Variants in NOL7 observed in about 807,000 individuals in gnomAD.
The protein encoded by NOL7 is nucleolar protein 7, also known as U3 small nucleolar RNA-associated protein NOL7.
Under a neutral mutation model 38.4 loss-of-function variants are expected in NOL7, and 36 were observed. The observed-to-expected ratio is 0.94, with a 90% CI of 0.72 to 1.24. The LOEUF (loss-of-function observed/expected upper bound fraction) is 1.24, where lower values mean the gene tolerates loss of function less well. Ranked by LOEUF, NOL7 falls within the 50% of genes most tolerant of loss-of-function variation. The pLI is 0.00. For missense variants in NOL7, 350 were observed against 315.1 expected (o/e 1.11, Z -0.84); for synonymous variants, 142 against 126.5 (o/e 1.12, Z -0.82).
intron 8 of NOL7, among the ~76,000 whole-genome samples, chr6:13,627,970 A>C (rs912873909): frequency 1.3e-5 from 2 of 152,194 alleles, no homozygotes; most frequent in Non-Finnish European, 2.9e-5. Context: ...CCTGGAACTT[A>C]AAGGAAAAAA....
At position 13,617,790 on chromosome 6, in the gene NOL7, A is replaced by G; in HGVS notation, c.407A>G (p.Lys136Arg). 6.2e-7 allele frequency: 1 copy of G among 1,613,822 alleles called. No homozygotes were observed. Among genetic ancestry groups the G allele is most frequent in the South Asian group, 1.1e-5 (1 of 91,074 alleles). ...CTTAGCATCAAGAAATCGCCAGGAA[A>G]GGTGAAAGAAGGTATGACTATTCTA... ...SQTNIKKSPG[K>R]VKEVNLQKKN... Residue 136 changes from lysine to arginine, a missense_variant, in exon 4 of 8, where the codon AAG becomes AGG. By Grantham distance (26) the Lys-to-Arg change is conservative. Coordinates refer to ENST00000451315, the MANE Select transcript of NOL7 (RefSeq NM_016167.5).
In NOL7 at chr6:13,615,487, C is replaced by T; in HGVS notation, c.129C>T (p.Gly43=). Residue 43 remains glycine (G), a synonymous_variant, in exon 1 of 8, where the codon GGC becomes GGT. Transcript: ENST00000451315. ...HGLLLGQPSS[G]AAAEPLEEDE... ...TGTTGCTCGGGCAGCCCAGCAGCGG[C>T]GCGGCCGCCGAGCCCCTGGAGGAAG... The T allele has an allele frequency of 1.3e-6, 2 of 1,551,900 alleles. No individual in the cohort carries two copies. The highest frequency in any genetic ancestry group is 1.4e-5 in the African/African-American group (1 of 73,266).
At chr6:13,620,656 C>A in intron 7 of NOL7, 98 bp from the exon 8 acceptor site, 1 of 981,028 alleles carries the variant, frequency 1.0e-6, no homozygotes, top group Non-Finnish European at 1.5e-6. Context: ...GTATAATAAG[C>A]CCACCCAGTT....
intron 3 of NOL7, among the ~76,000 whole-genome samples, chr6:13,617,104 T>A (rs1448328646): frequency 6.6e-6 from 1 of 151,712 alleles, no homozygotes; most frequent in Non-Finnish European, 1.5e-5. Flanking sequence ...GGCCAGTGAC[T>A]CTCAAGTTTT....
At chr6:13,631,915 C>G (rs1017889400) in intron 8 of NOL7, among the ~76,000 whole-genome samples, 6 of 152,204 alleles carry the variant, frequency 3.9e-5, no homozygotes, top group African/African-American at 1.2e-4. Flanking sequence ...TAATTCCCAT[C>G]AAAATGAGAA....
chr6:13,625,849 T>C (rs1479395563), downstream of NOL7: 20 of 952,836 alleles, frequency 2.1e-5, no homozygotes, highest in African/African-American at 6.4e-5. Flanking sequence ...AGGTAAAATA[T>C]GGCTTCCAGG....
At chr6:13,624,552 C>CA (rs1415514246), downstream of NOL7, among the ~76,000 whole-genome samples, 4 of 152,212 alleles carry the variant, frequency 2.6e-5, no homozygotes, top group African/African-American at 7.2e-5. Context: ...GCCCAAAACT[C>CA]AAACTTGTTT....
chr6:13,620,152 A>C, intron 5 of NOL7, 56 bp from the exon 6 acceptor site: 1 of 1,563,342 alleles, frequency 6.4e-7, no homozygotes, highest in Non-Finnish European at 8.6e-7. Flanking sequence ...CAGGAAGAAA[A>C]AAAAAAGAAA....
intron 5 of NOL7, among the ~76,000 whole-genome samples, chr6:13,619,779 C>T (rs2127754993): frequency 6.6e-6 from 1 of 152,240 alleles, no homozygotes; most frequent in African/African-American, 2.4e-5. Context: ...TCTTGTAGTC[C>T]TTGTAATTTA....
At chr6:13,624,867 C>T (rs1764556892), downstream of NOL7, among the ~76,000 whole-genome samples, 1 of 152,162 alleles carries the variant, frequency 6.6e-6, no homozygotes, top group Non-Finnish European at 1.5e-5. Context: ...AAGGCTTGAT[C>T]CTGCCGGGTA....
chr6:13,620,129 CGA>C, intron 5 of NOL7, 77 bp from the exon 6 acceptor site: 3 of 1,442,832 alleles, frequency 2.1e-6, no homozygotes, highest in Non-Finnish European at 2.8e-6. Flanking sequence ...GGTGACAGAG[CGA>C]GACTCTGTCT....
intron 5 of NOL7, among the ~76,000 whole-genome samples, chr6:13,618,894 A>G (rs2127754698): frequency 6.6e-6 from 1 of 152,356 alleles, no homozygotes; most frequent in South Asian, 2.1e-4. Flanking sequence ...CTGTCTCAAA[A>G]AAAAAATCGG....
intron 8 of NOL7, among the ~76,000 whole-genome samples, chr6:13,632,118 C>CTTTTTTTTTTTTTTTTTTTTT (rs752500098): frequency 4.0e-5 from 3 of 74,966 alleles, no homozygotes; most frequent in Non-Finnish European, 7.8e-5. Flanking sequence ...GGATTTAATC[C>CTTTTTTTTTTTTTTTTTTTTT]TTTTTTTTTT....
At chr6:13,616,562 C>G in intron 3 of NOL7, 41 bp downstream of exon 3, 1 of 1,347,728 alleles carries the variant, frequency 7.4e-7, no homozygotes, top group Non-Finnish European at 1.0e-6. Flanking sequence ...TTATATACAC[C>G]CATCTTTGAA....
At chr6:13,625,549 C>T (rs755544810), downstream of NOL7, 29 of 672,436 alleles carry the variant, frequency 4.3e-5, no homozygotes, top group Non-Finnish European at 6.6e-5. Flanking sequence ...ATATAGAAAA[C>T]ATTTTCCTGA....
chr6:13,625,602 T>TAAATTTTCA, downstream of NOL7: 1 of 1,364,568 alleles, frequency 7.3e-7, no homozygotes. Context: ...CACCCTCTCT[T>TAAATTTTCA]AAATTTTCAG....
At chr6:13,630,124 T>A (rs556190943) in intron 8 of NOL7, among the ~76,000 whole-genome samples, 1 of 152,300 alleles carries the variant, frequency 6.6e-6, no homozygotes, top group South Asian at 2.1e-4. Flanking sequence ...CTTTGGCTAC[T>A]TATATATAAG....
At chr6:13,631,076 G>T (rs1764768724) in intron 8 of NOL7, among the ~76,000 whole-genome samples, 1 of 152,222 alleles carries the variant, frequency 6.6e-6, no homozygotes, top group East Asian at 1.9e-4. Context: ...CCAAAGTGCT[G>T]GGAATACAGG....
intron 8 of NOL7, among the ~76,000 whole-genome samples, chr6:13,629,694 T>C (rs77625426): frequency 2.6e-5 from 4 of 152,160 alleles, no homozygotes; most frequent in Non-Finnish European, 5.9e-5. Flanking sequence ...ACTGCAAAAA[T>C]TCAATAAACA....
Sources: allele counts gnomAD v4.1 joint callset (sites outside exome capture counted in the v4.1 genomes callset), GRCh38; gene constraint gnomAD v4.1.1; transcripts MANE v1.5; gene names NCBI Gene and HGNC (gene_info 2026-07-23, HGNC 2026-07-21).